The following VSTM4 variants were observed in gnomAD, a reference collection of about 807,000 sequenced individuals.
The protein encoded by VSTM4 is V-set and transmembrane domain-containing protein 4.
Under a neutral mutation model 36.4 loss-of-function variants are expected in VSTM4, and 20 were observed. That is an observed-to-expected ratio of 0.55 (90% confidence interval 0.39 to 0.80). The LOEUF is 0.80. VSTM4 is among the 30% of genes least tolerant of loss of function. The pLI is 0.00. For synonymous variants in VSTM4, 182 were observed against 173.9 expected (o/e 1.05, Z -0.37); for missense variants, 392 against 404.5 (o/e 0.97, Z 0.26).
intron 1 of VSTM4, among the ~76,000 whole-genome samples, chr10:49,112,483 A>G (rs1479468304): frequency 6.6e-6 from 1 of 152,240 alleles, no homozygotes. Context: ...TCCTCATCCG[A>G]AAAATGGGAA....
chr10:49,036,184 G>C (rs1457633802), intron 7 of VSTM4, among the ~76,000 whole-genome samples: 1 of 152,112 alleles, frequency 6.6e-6, no homozygotes, highest in East Asian at 1.9e-4. Flanking sequence ...AAAGCAAATG[G>C]CTTCTGTTTT....
chr10:49,032,063 G>A (rs1590071382), intron 7 of VSTM4, among the ~76,000 whole-genome samples: 2 of 151,366 alleles, frequency 1.3e-5, no homozygotes, highest in East Asian at 3.9e-4. Context: ...AGCTCCCCTT[G>A]CCCTGTTCTA....
chr10:49,039,904 A>G (rs1843493540), intron 7 of VSTM4, among the ~76,000 whole-genome samples: 1 of 152,200 alleles, frequency 6.6e-6, no homozygotes. Flanking sequence ...AATAAATCAA[A>G]TGTACTTCTG....
chr10:49,084,678 C>G (rs919910218), intron 3 of VSTM4, among the ~76,000 whole-genome samples: 1 of 152,222 alleles, frequency 6.6e-6, no homozygotes, highest in Non-Finnish European at 1.5e-5. Context: ...GTACCATCAC[C>G]AGACATAATC....
At chr10:49,102,322 G>A (rs2132019852) in intron 2 of VSTM4, 1 of 765,806 alleles carries the variant, frequency 1.3e-6, no homozygotes, top group South Asian at 5.9e-5. Context: ...TTTTTGTAGA[G>A]ATGGGGTTTC....
In VSTM4 at chr10:49,018,866, C is replaced by T. The variant is rs1309687705; in HGVS notation, c.*784G>A. The T allele has an allele frequency of 6.6e-6, 1 of 152,274 alleles. No individual in the cohort carries two copies. Among genetic ancestry groups the T allele is most frequent in the African/African-American group, 2.4e-5 (1 of 41,462 alleles). 9.4% of individuals were successfully genotyped at this position (152,274 alleles called of 1,614,324 possible). A position where few individuals can be genotyped will look rare whatever the true frequency, so the allele number is the denominator to read the frequency against. On this transcript the variant is annotated 3_prime_UTR_variant, in exon 8 of 8. Transcript: ENST00000332853. ...ACACAGTGAAGAGGCCCATGCGCTC[C>T]AGTGTGTCTTCTGATGGCCAACACC...
At chr10:49,074,348 C>T (rs565829646) in intron 4 of VSTM4, among the ~76,000 whole-genome samples, 1 of 152,128 alleles carries the variant, frequency 6.6e-6, no homozygotes, top group Non-Finnish European at 1.5e-5. Context: ...AAGCAGGATG[C>T]TTGATGGGAT....
rs139269139 is a variant in VSTM4 at position 49,032,316 on chromosome 10, T to C, written c.838-12541A>G. Among the ~76,000 whole-genome samples the C allele has an allele frequency of 3.4e-3, 512 of 152,056 alleles. 3 individuals are homozygous for C. Among genetic ancestry groups the C allele is most frequent in the African/African-American group, 0.012 (489 of 41,460 alleles). ...GCATGGCTGGTGTAGAGCCGGCCTCTGACCACATCACTGGGCTCCCCAAAG... is the reference window on the plus strand; with the variant it reads ...GCATGGCTGGTGTAGAGCCGGCCTCCGACCACATCACTGGGCTCCCCAAAG... On this transcript the variant is annotated intron_variant, in intron 7 of 7. Coordinates refer to ENST00000332853, the MANE Select transcript of VSTM4 (RefSeq NM_001031746.5).
rs1843722434 is a variant in VSTM4, at chr10:49,053,032, ATG to A, written c.669-4450_669-4449del. Among the ~76,000 whole-genome samples, 3 of 152,344 alleles carry A rather than the reference ATG, an allele frequency of 2.0e-5. No individual in the cohort carries two copies. The South Asian group carries it at 6.2e-4, about 32-fold the overall frequency. ...ATATTTGGCAAGGAAAGTCCACCTT[ATG>A]ATTAACTTACAAGAAAAGTTATTCG... On this transcript the variant is annotated intron_variant, in intron 5 of 7. Coordinates refer to ENST00000332853, the MANE Select transcript of VSTM4 (RefSeq NM_001031746.5).
intron 7 of VSTM4, among the ~76,000 whole-genome samples, chr10:49,044,499 A>C (rs1414566516): frequency 6.6e-6 from 1 of 150,436 alleles, no homozygotes; most frequent in African/African-American, 2.5e-5. Flanking sequence ...TAAAGAAAAG[A>C]AGGAAGGAAG....
At chr10:49,091,447 G>A (rs535456365) in intron 2 of VSTM4, among the ~76,000 whole-genome samples, 21 of 152,184 alleles carry the variant, frequency 1.4e-4, no homozygotes, top group Non-Finnish European at 2.2e-4. Flanking sequence ...GAGACAAACC[G>A]ATTCTATCAA....
In VSTM4 at chr10:49,015,969, A is replaced by C. The variant is rs1400442146; in HGVS notation, c.*3681T>G. ...GAGAGCATCAGTCCTGGAGCCCTCCATCGGGAGCTCTCCATTAAGAAGGGC... is the reference window on the plus strand; with the variant it reads ...GAGAGCATCAGTCCTGGAGCCCTCCCTCGGGAGCTCTCCATTAAGAAGGGC... On this transcript the variant is annotated 3_prime_UTR_variant, in exon 8 of 8. Transcript: ENST00000332853. The C allele has an allele frequency of 1.3e-5, 2 of 152,138 alleles. No homozygotes were observed. Among genetic ancestry groups the C allele is most frequent in the Admixed American group, 1.3e-4 (2 of 15,266 alleles). 9.4% of individuals were successfully genotyped at this position (152,138 alleles called of 1,614,324 possible). A position where few individuals can be genotyped will look rare whatever the true frequency, so the allele number is the denominator to read the frequency against.
At chr10:49,108,491 C>T (rs1255256253) in intron 1 of VSTM4, among the ~76,000 whole-genome samples, 1 of 152,164 alleles carries the variant, frequency 6.6e-6, no homozygotes, top group African/African-American at 2.4e-5. Flanking sequence ...GGGTAGGGCC[C>T]TCTCTCTGGT....
At chr10:49,073,272 C>T (rs1380229988) in intron 4 of VSTM4, among the ~76,000 whole-genome samples, 1 of 152,176 alleles carries the variant, frequency 6.6e-6, no homozygotes, top group East Asian at 1.9e-4. Flanking sequence ...AGGGAACACC[C>T]TCAAAACCCC....
chr10:49,079,378 T>C (rs1844238495), intron 3 of VSTM4, among the ~76,000 whole-genome samples: 1 of 152,126 alleles, frequency 6.6e-6, no homozygotes, highest in Non-Finnish European at 1.5e-5. Flanking sequence ...TACATATACT[T>C]ACATTTCTTA....
At chr10:49,110,541 T>C (rs1170252308) in intron 1 of VSTM4, among the ~76,000 whole-genome samples, 2 of 152,150 alleles carry the variant, frequency 1.3e-5, no homozygotes, top group Non-Finnish European at 2.9e-5. Context: ...TTGAATTGTG[T>C]CCTCCCAAAA....
intron 2 of VSTM4, chr10:49,102,593 G>T: frequency 1.0e-6 from 1 of 985,402 alleles, no homozygotes; most frequent in Non-Finnish European, 1.2e-6. Context: ...CCCAAAGAAG[G>T]CATTGATGGA....
At position 49,066,195 on chromosome 10, in the gene VSTM4, C is replaced by T. The variant is rs189214859; in HGVS notation, c.635-1459G>A. ...TCTGGCCGTATTCATTTCCCTTCCC[C>T]ACTTTTAACATCACCCTTTTCTATT... On this transcript the variant is annotated intron_variant, in intron 4 of 7. Coordinates refer to ENST00000332853, the MANE Select transcript of VSTM4 (RefSeq NM_001031746.5). Among the ~76,000 whole-genome samples, 205 of 152,266 alleles carry T rather than the reference C, an allele frequency of 1.3e-3. 1 individual carries two copies. The Middle Eastern group carries it at 0.02, about 15-fold the overall frequency.
chr10:49,086,839 T>C (rs190902038), intron 2 of VSTM4, among the ~76,000 whole-genome samples: 7 of 152,306 alleles, frequency 4.6e-5, no homozygotes, highest in African/African-American at 1.4e-4. Flanking sequence ...TCTTACCAAA[T>C]AACTGAATTT....
Sources: allele counts gnomAD v4.1 joint callset (sites outside exome capture counted in the v4.1 genomes callset), GRCh38; gene constraint gnomAD v4.1.1; transcripts MANE v1.5; gene names NCBI Gene and HGNC (gene_info 2026-07-23, HGNC 2026-07-21).